Variants in NEK10 observed in about 807,000 individuals in gnomAD.
NEK10 encodes serine/threonine-protein kinase Nek10.
A neutral mutation model predicts 159.8 loss-of-function variants in NEK10; 122 were observed. That is an observed-to-expected ratio of 0.76 (90% CI 0.66 to 0.89). The LOEUF (loss-of-function observed/expected upper bound fraction) is 0.89. Among genes scored for constraint, NEK10 ranks in the 40% least tolerant of loss-of-function variants. The pLI, the probability that NEK10 is intolerant of heterozygous loss-of-function variation, is 0.00. For synonymous variants in NEK10, 466 were observed against 457.1 expected, an observed-to-expected ratio of 1.02 and a Z score of -0.25; for missense variants, 1,342 against 1,323.1, an observed-to-expected ratio of 1.01 and a Z score of -0.22.
chr3:27,300,530 G>A (rs943512437), intron 13 of NEK10, among the ~76,000 whole-genome samples: 2 of 152,170 alleles, frequency 1.3e-5, no homozygotes, highest in African/African-American at 4.8e-5. Context: ...CACATCTTAA[G>A]TGTAAGGCTC....
At chr3:27,204,275 CTTTTTTTTTTTTTTTTTTTGTTGTTGT>C (rs1400731180) in intron 23 of NEK10, among the ~76,000 whole-genome samples, 1 of 64,006 alleles carries the variant, frequency 1.6e-5, no homozygotes, top group South Asian at 6.0e-4. Flanking sequence ...GATAAATTTT[CTTTTTTTTTTTTTTTTTTTGTTGTTGT>C]TTTTTTTTTT....
intron 29 of NEK10, among the ~76,000 whole-genome samples, chr3:27,167,824 C>T (rs1946618236): frequency 6.6e-6 from 1 of 152,154 alleles, no homozygotes; most frequent in South Asian, 2.1e-4. Context: ...TTCCGAGGTG[C>T]CTTCCAGTTC....
intron 26 of NEK10, among the ~76,000 whole-genome samples, chr3:27,176,950 G>T (rs1036627801): frequency 2.6e-5 from 4 of 152,120 alleles, no homozygotes; most frequent in Non-Finnish European, 4.4e-5. Flanking sequence ...TTAAGAACAG[G>T]CATGGATAAA....
rs1184948758 is a variant in NEK10, at chr3:27,107,198, C to G, written c.*4074G>C. Among the ~76,000 whole-genome samples the G allele has an allele frequency of 6.6e-6, 1 of 152,076 alleles. No homozygotes were observed. The highest frequency in any genetic ancestry group is 2.4e-5 in the African/African-American group (1 of 41,378). ...ACGTGATCTTCATTTTTAAAAACAA[C>G]TATTGCCCATGAACTCAGAAAATAT... On this transcript the variant is annotated 3_prime_UTR_variant, in exon 36 of 36. Coordinates refer to ENST00000691995, the MANE Select transcript of NEK10 (RefSeq NM_001394966.1).
intron 24 of NEK10, 104 bp downstream of exon 24, chr3:27,202,324 G>T: frequency 1.9e-6 from 2 of 1,060,376 alleles, no homozygotes; most frequent in Non-Finnish European, 2.6e-6. Flanking sequence ...AACAATTCTT[G>T]CTTTTAATGG....
At chr3:27,184,745 G>A (rs1367317840) in intron 26 of NEK10, among the ~76,000 whole-genome samples, 1 of 152,088 alleles carries the variant, frequency 6.6e-6, no homozygotes, top group Non-Finnish European at 1.5e-5. Context: ...AGCCTTGGGA[G>A]AAATTCAGTC....
At chr3:27,282,559 T>TATATATATATATATATATATATAC (rs1244802639) in intron 22 of NEK10, among the ~76,000 whole-genome samples, 1 of 86,902 alleles carries the variant, frequency 1.2e-5, no homozygotes, top group African/African-American at 5.3e-5. Flanking sequence ...TATATATATA[T>TATATATATATATATATATATATAC]ACATAACTGT....
Position 27,107,060 on chromosome 3 carries a change from TA to T in NEK10, c.*4211del, listed in dbSNP as rs1362187704. 9.2e-5 allele frequency among the ~76,000 whole-genome samples: 14 copies of T among 152,202 alleles called. No homozygotes were observed. The highest frequency in any genetic ancestry group is 3.4e-3 in the Middle Eastern group (1 of 294). On this transcript the variant is annotated 3_prime_UTR_variant, in exon 36 of 36. Coordinates refer to ENST00000691995, the MANE Select transcript of NEK10 (RefSeq NM_001394966.1). The stretch of plus-strand genomic sequence containing the variant: ...GACTACAGTTCATTTACTTTTAGGA[TA>T]AAGCAATGAACTGTATCTTAAATTT...
At chr3:27,123,555 A>G (rs1445395467) in intron 32 of NEK10, among the ~76,000 whole-genome samples, 1 of 152,220 alleles carries the variant, frequency 6.6e-6, no homozygotes, top group Non-Finnish European at 1.5e-5. Flanking sequence ...CCAAGCACAG[A>G]TCCAAACAAT....
At chr3:27,336,303 A>G (rs1407896793) in intron 5 of NEK10, among the ~76,000 whole-genome samples, 1 of 152,204 alleles carries the variant, frequency 6.6e-6, no homozygotes, top group Admixed American at 6.5e-5. Flanking sequence ...AGCAGGAAGA[A>G]ATAAAAAAAC....
In NEK10 at chr3:27,218,474, G is replaced by A. The variant is rs1336840552; in HGVS notation, c.2091-15917C>T. On this transcript the variant is annotated intron_variant, in intron 23 of 35. Coordinates refer to ENST00000691995, the MANE Select transcript of NEK10 (RefSeq NM_001394966.1). ...ACAAAAATTAGCCGGGCTTGGTGGC[G>A]CATGCCTTTAATCCCAGCTGCTCAG... Among the ~76,000 whole-genome samples the A allele has an allele frequency of 2.6e-5, 4 of 151,842 alleles. No homozygotes were observed. In the South Asian group the frequency reaches 6.2e-4, roughly 24 times the overall value.
chr3:27,322,592 C>T (rs756260966), intron 5 of NEK10, among the ~76,000 whole-genome samples: 48 of 152,114 alleles, frequency 3.2e-4, no homozygotes, highest in Non-Finnish European at 5.6e-4. Flanking sequence ...TAAGAATTTA[C>T]GCCATAACCA....
intron 22 of NEK10, among the ~76,000 whole-genome samples, chr3:27,266,073 G>A (rs1032838122): frequency 2.0e-5 from 3 of 152,094 alleles, no homozygotes; most frequent in Admixed American, 1.3e-4. Flanking sequence ...CCAAAGTGCT[G>A]GGATTACAGG....
intron 5 of NEK10, among the ~76,000 whole-genome samples, chr3:27,341,215 G>A (rs2047179716): frequency 6.6e-6 from 1 of 152,240 alleles, no homozygotes; most frequent in South Asian, 2.1e-4. Flanking sequence ...GTGAGTGCAA[G>A]GGGGGATAAA....
At chr3:27,158,699 A>C (rs919882876) in intron 30 of NEK10, among the ~76,000 whole-genome samples, 7 of 152,190 alleles carry the variant, frequency 4.6e-5, no homozygotes, top group East Asian at 1.9e-4. Flanking sequence ...AGGGAGGGGA[A>C]AATGTCAGTG....
At chr3:27,292,900 C>T (rs766214170) in intron 16 of NEK10, among the ~76,000 whole-genome samples, 4 of 152,040 alleles carry the variant, frequency 2.6e-5, no homozygotes, top group Non-Finnish European at 5.9e-5. Flanking sequence ...CGAAAAGTGA[C>T]GCTCCATGCT....
At chr3:27,129,586 A>G (rs552441704) in intron 32 of NEK10, among the ~76,000 whole-genome samples, 1 of 152,294 alleles carries the variant, frequency 6.6e-6, no homozygotes, top group African/African-American at 2.4e-5. Flanking sequence ...CAGGAAAGTT[A>G]CATATATGAA....
chr3:27,126,897 C>G (rs1942025251), intron 32 of NEK10, among the ~76,000 whole-genome samples: 1 of 152,066 alleles, frequency 6.6e-6, no homozygotes, highest in South Asian at 2.1e-4. Context: ...TCCAGGTGCT[C>G]TTGAACAGAA....
intron 30 of NEK10, among the ~76,000 whole-genome samples, chr3:27,149,214 TAAAC>T (rs766509054): frequency 2.0e-5 from 3 of 152,080 alleles, no homozygotes; most frequent in Non-Finnish European, 4.4e-5. Context: ...ATAGCAAAGA[TAAAC>T]AAGAGTTTAT....
Sources: gnomAD v4.1 joint callset for allele counts (sites outside exome capture counted in the v4.1 genomes callset) on GRCh38, gnomAD v4.1.1 for gene constraint, MANE v1.5 for transcripts, NCBI Gene and HGNC (gene_info 2026-07-23, HGNC 2026-07-21) for gene names.